Variants in SLC24A3 observed in about 807,000 individuals in gnomAD.
SLC24A3 encodes solute carrier family 24 member 3, also known as sodium/potassium/calcium exchanger 3.
Under a neutral mutation model 75.8 loss-of-function variants are expected in SLC24A3, and 28 were observed. That is an observed-to-expected ratio of 0.37 (90% CI 0.27 to 0.51). The LOEUF (loss-of-function observed/expected upper bound fraction) is 0.51. SLC24A3 is among the 20% of genes least tolerant of loss of function. The probability of loss-of-function intolerance (pLI) is 0.94; values close to 1 mark genes in which losing one functional copy is unlikely to be tolerated. For missense variants in SLC24A3, 663 were observed against 847.8 expected, an observed-to-expected ratio of 0.78 and a Z score of 2.71; for synonymous variants, 372 against 334.1, an observed-to-expected ratio of 1.11 and a Z score of -1.24.
chr20:19,500,167 C>T (rs561209398), intron 2 of SLC24A3, among the ~76,000 whole-genome samples: 4 of 152,156 alleles, frequency 2.6e-5, no homozygotes, highest in Non-Finnish European at 5.9e-5. Flanking sequence ...TCTCAAGGAA[C>T]CTGTATCCTT....
intron 3 of SLC24A3, among the ~76,000 whole-genome samples, chr20:19,572,096 G>T (rs1160226453): frequency 6.6e-6 from 1 of 152,216 alleles, no homozygotes; most frequent in Non-Finnish European, 1.5e-5. Flanking sequence ...CAGCAACTCA[G>T]AAGGCTGAGA....
intron 2 of SLC24A3, among the ~76,000 whole-genome samples, chr20:19,474,866 C>T (rs1987936103): frequency 6.6e-6 from 1 of 152,132 alleles, no homozygotes; most frequent in Admixed American, 6.5e-5. Flanking sequence ...CCAACATTGC[C>T]CTATCCATTT....
intron 1 of SLC24A3, among the ~76,000 whole-genome samples, chr20:19,276,080 G>T (rs1202950749): frequency 1.3e-5 from 2 of 152,196 alleles, no homozygotes; most frequent in Non-Finnish European, 2.9e-5. Flanking sequence ...GGAAGCTGGA[G>T]AGGTGAGCGA....
chr20:19,498,514 C>T (rs1398848681), intron 2 of SLC24A3, among the ~76,000 whole-genome samples: 1 of 152,048 alleles, frequency 6.6e-6, no homozygotes, highest in Non-Finnish European at 1.5e-5. Flanking sequence ...GGGCTCCACT[C>T]AAGCCTGATT....
intron 2 of SLC24A3, among the ~76,000 whole-genome samples, chr20:19,454,260 T>C (rs1987541359): frequency 1.3e-5 from 2 of 152,214 alleles, no homozygotes. Context: ...CCCATCAATG[T>C]TGTGTTCCCC....
At chr20:19,455,129 T>C (rs1259552701) in intron 2 of SLC24A3, among the ~76,000 whole-genome samples, 1 of 152,186 alleles carries the variant, frequency 6.6e-6, no homozygotes, top group Non-Finnish European at 1.5e-5. Flanking sequence ...GTCACCATTA[T>C]TGGTTGATGA....
intron 2 of SLC24A3, among the ~76,000 whole-genome samples, chr20:19,325,795 T>TATATATATATATATATAGAGAGAG (rs1251419875): frequency 3.0e-5 from 2 of 67,796 alleles, no homozygotes; most frequent in East Asian, 1.3e-3. Context: ...TATATATATA[T>TATATATATATATATATAGAGAGAG]AGAGAGAGAG....
At chr20:19,657,343 C>T (rs2032277583) in intron 7 of SLC24A3, among the ~76,000 whole-genome samples, 1 of 152,230 alleles carries the variant, frequency 6.6e-6, no homozygotes, top group Non-Finnish European at 1.5e-5. Context: ...TCAACAGGCT[C>T]TTGGGTAGGG....
chr20:19,687,799 G>A (rs1272999128), intron 12 of SLC24A3, among the ~76,000 whole-genome samples: 7 of 152,124 alleles, frequency 4.6e-5, no homozygotes, highest in Non-Finnish European at 1.0e-4. Context: ...AGAGCTAACT[G>A]TGGGGTTTCA....
At chr20:19,289,571 G>A (rs530740230) in intron 2 of SLC24A3, among the ~76,000 whole-genome samples, 1 of 152,202 alleles carries the variant, frequency 6.6e-6, no homozygotes, top group South Asian at 2.1e-4. Context: ...ACCCACCTTG[G>A]GGAGTGGAGA....
intron 2 of SLC24A3, among the ~76,000 whole-genome samples, chr20:19,360,820 A>C (rs1035671539): frequency 5.5e-4 from 78 of 141,584 alleles, no homozygotes; most frequent in South Asian, 2.2e-3. Flanking sequence ...AAGTACTAGC[A>C]TGCAGAAATT....
At chr20:19,459,576 T>C (rs533890825) in intron 2 of SLC24A3, among the ~76,000 whole-genome samples, 1 of 152,354 alleles carries the variant, frequency 6.6e-6, no homozygotes, top group East Asian at 1.9e-4. Context: ...TACTGCAATA[T>C]TCAATAGAAC....
intron 3 of SLC24A3, among the ~76,000 whole-genome samples, chr20:19,579,490 G>A (rs998871908): frequency 5.9e-5 from 9 of 152,136 alleles, no homozygotes; most frequent in Non-Finnish European, 1.0e-4. Context: ...TGACTGCTGC[G>A]GATATGGCAA....
chr20:19,563,213 A>G (rs1361832741), intron 3 of SLC24A3, among the ~76,000 whole-genome samples: 1 of 152,148 alleles, frequency 6.6e-6, no homozygotes, highest in Non-Finnish European at 1.5e-5. Context: ...TGCATATAAC[A>G]TATATCTCAT....
chr20:19,574,562 C>G (rs2031101766), intron 3 of SLC24A3, among the ~76,000 whole-genome samples: 1 of 152,240 alleles, frequency 6.6e-6, no homozygotes, highest in Non-Finnish European at 1.5e-5. Flanking sequence ...CTCTGACAGC[C>G]TTAGCCAGGA....
At chr20:19,232,749 A>G (rs1211486699) in intron 1 of SLC24A3, among the ~76,000 whole-genome samples, 1 of 152,182 alleles carries the variant, frequency 6.6e-6, no homozygotes, top group South Asian at 2.1e-4. Context: ...GCATGCTTTT[A>G]TAATTTTTGT....
intron 2 of SLC24A3, among the ~76,000 whole-genome samples, chr20:19,417,768 C>T (rs1432483255): frequency 2.0e-5 from 3 of 152,202 alleles, no homozygotes; most frequent in Non-Finnish European, 4.4e-5. Context: ...GAACTAGAAA[C>T]ATTCTGACTC....
At chr20:19,415,936 G>A (rs973876282) in intron 2 of SLC24A3, among the ~76,000 whole-genome samples, 1 of 152,174 alleles carries the variant, frequency 6.6e-6, no homozygotes, top group African/African-American at 2.4e-5. Flanking sequence ...AAGGTGGTAG[G>A]CATATCATGG....
chr20:19,708,731 T>A (rs2032956710), intron 15 of SLC24A3, among the ~76,000 whole-genome samples: 1 of 152,214 alleles, frequency 6.6e-6, no homozygotes, highest in Non-Finnish European at 1.5e-5. Flanking sequence ...GGGGATAATG[T>A]GGTGATGTCT....
Sources: allele counts gnomAD v4.1 joint callset (sites outside exome capture counted in the v4.1 genomes callset), GRCh38; gene constraint gnomAD v4.1.1; transcripts MANE v1.5; gene names NCBI Gene and HGNC (gene_info 2026-07-23, HGNC 2026-07-21).